Variants in ANO1 observed in about 807,000 individuals in gnomAD.
ANO1 encodes anoctamin-1.
In ANO1, 59 loss-of-function variants were observed where a neutral mutation model predicts 124.0. The ratio of observed to expected loss-of-function variants is 0.48; its 90% CI spans 0.39 to 0.59. The LOEUF (loss-of-function observed/expected upper bound fraction) is 0.59, where lower values mean the gene tolerates loss of function less well. ANO1 is among the 20% of genes least tolerant of loss of function. The pLI is 0.00. For missense variants in ANO1, 1,059 were observed against 1,328.0 expected, an observed-to-expected ratio of 0.80 and a Z score of 3.15; for synonymous variants, 529 against 532.0, an observed-to-expected ratio of 0.99 and a Z score of 0.08.
intron 7 of ANO1, among the ~76,000 whole-genome samples, chr11:70,116,217 G>A (rs1159200165): frequency 5.9e-5 from 9 of 152,168 alleles, no homozygotes; most frequent in East Asian, 3.9e-4. Context: ...GGGAAGAGGC[G>A]GCTCAGGCCG....
chr11:70,067,023 C>A (rs1225111680), intron 1 of ANO1, among the ~76,000 whole-genome samples: 1 of 152,210 alleles, frequency 6.6e-6, no homozygotes, highest in African/African-American at 2.4e-5. Context: ...TGCTGTTTTC[C>A]TAACTCATGT....
At chr11:70,085,330 C>A in intron 1 of ANO1, 1 of 1,412,656 alleles carries the variant, frequency 7.1e-7, no homozygotes, top group East Asian at 2.6e-5. Context: ...CCCCTGAGCC[C>A]TCCCAAGCCA....
At chr11:69,983,087 G>A (rs1271779148), upstream of ANO1, among the ~76,000 whole-genome samples, 2 of 152,098 alleles carry the variant, frequency 1.3e-5, no homozygotes, top group African/African-American at 4.8e-5. Flanking sequence ...GACATCTGCT[G>A]AGACCCAGCA....
the ANO1 span, among the ~76,000 whole-genome samples, chr11:69,971,753 G>A: frequency 1.3e-5 from 2 of 152,166 alleles, no homozygotes; most frequent in South Asian, 2.1e-4. Flanking sequence ...GGCTAATGCT[G>A]GATGAGCTTT....
At chr11:70,116,221 C>T (rs1172033356) in intron 7 of ANO1, among the ~76,000 whole-genome samples, 1 of 152,188 alleles carries the variant, frequency 6.6e-6, no homozygotes, top group Non-Finnish European at 1.5e-5. Flanking sequence ...AGAGGCGGCT[C>T]AGGCCGTCCT....
intron 2 of ANO1, among the ~76,000 whole-genome samples, chr11:70,097,742 T>C (rs2045062683): frequency 6.6e-6 from 1 of 152,218 alleles, no homozygotes; most frequent in South Asian, 2.1e-4. Context: ...TGTCCTAGGC[T>C]GGCACAGAGT....
intron 1 of ANO1, among the ~76,000 whole-genome samples, chr11:69,996,499 T>C (rs782133483): frequency 2.0e-5 from 3 of 152,196 alleles, no homozygotes; most frequent in Non-Finnish European, 2.9e-5. Flanking sequence ...GATCATGTTA[T>C]TGATTTTAAT....
chr11:70,043,430 A>G (rs1857211189), intron 1 of ANO1, among the ~76,000 whole-genome samples: 1 of 152,206 alleles, frequency 6.6e-6, no homozygotes, highest in African/African-American at 2.4e-5. Context: ...AAAAAGTGAT[A>G]AAAAACTTTC....
chr11:69,985,206 C>A (rs1304388690), upstream of ANO1, among the ~76,000 whole-genome samples: 1 of 152,218 alleles, frequency 6.6e-6, no homozygotes, highest in South Asian at 2.1e-4. Context: ...GGATGCACCC[C>A]CGGGTCCAGT....
At chr11:70,166,402 C>T (rs1348571876) in intron 20 of ANO1, among the ~76,000 whole-genome samples, 14 of 152,186 alleles carry the variant, frequency 9.2e-5, no homozygotes, top group Non-Finnish European at 5.9e-5. Flanking sequence ...CAGAATGACA[C>T]CCCACTCCCC....
intron 2 of ANO1, among the ~76,000 whole-genome samples, chr11:70,095,591 T>C (rs1378981379): frequency 6.6e-6 from 1 of 152,216 alleles, no homozygotes; most frequent in Non-Finnish European, 1.5e-5. Context: ...GAGGTCCTCA[T>C]CTGTGTCCAG....
chr11:70,013,163 G>T (rs1174544559), intron 1 of ANO1, among the ~76,000 whole-genome samples: 1 of 152,238 alleles, frequency 6.6e-6, no homozygotes, highest in Non-Finnish European at 1.5e-5. Context: ...GTGTTAGGCA[G>T]AGAGGCCAGC....
intron 9 of ANO1, 40 bp from the exon 10 acceptor site, chr11:70,126,021 A>G (rs2046496880): frequency 6.4e-7 from 1 of 1,562,466 alleles, no homozygotes; most frequent in African/African-American, 1.4e-5. Flanking sequence ...CTAGTATTGA[A>G]TGACAGTGGG....
intron 1 of ANO1, among the ~76,000 whole-genome samples, chr11:69,988,532 T>C (rs1036268002): frequency 6.6e-6 from 1 of 152,190 alleles, no homozygotes; most frequent in Non-Finnish European, 1.5e-5. Flanking sequence ...GCTTCATCCA[T>C]ATGACCCAGG....
At chr11:70,147,364 A>C (rs2047421867) in intron 11 of ANO1, among the ~76,000 whole-genome samples, 2 of 152,174 alleles carry the variant, frequency 1.3e-5, no homozygotes, top group Non-Finnish European at 2.9e-5. Context: ...TGCCCACCGC[A>C]GACAGGCTGC....
chr11:70,071,360 T>C (rs1857870087), intron 1 of ANO1, among the ~76,000 whole-genome samples: 2 of 152,196 alleles, frequency 1.3e-5, no homozygotes, highest in African/African-American at 4.8e-5. Context: ...TATCAACCTA[T>C]TTCATGTCAC....
intron 21 of ANO1, among the ~76,000 whole-genome samples, chr11:70,168,535 A>C (rs2048339412): frequency 6.6e-6 from 1 of 151,990 alleles, no homozygotes; most frequent in Non-Finnish European, 1.5e-5. Flanking sequence ...CTCATCCCAT[A>C]GCCCTACCCC....
chr11:70,056,037 G>A (rs1857427693), intron 1 of ANO1, among the ~76,000 whole-genome samples: 1 of 151,200 alleles, frequency 6.6e-6, no homozygotes, highest in African/African-American at 2.5e-5. Context: ...ATCCCCACAA[G>A]ACATTGTTAT....
At chr11:70,057,782 G>A (rs1038631386) in intron 1 of ANO1, among the ~76,000 whole-genome samples, 1 of 152,124 alleles carries the variant, frequency 6.6e-6, no homozygotes, top group Non-Finnish European at 1.5e-5. Flanking sequence ...TTTGTGGTTC[G>A]TCAGTTGCTT....
Sources: gnomAD v4.1 joint callset for allele counts (sites outside exome capture counted in the v4.1 genomes callset) on GRCh38, gnomAD v4.1.1 for gene constraint, MANE v1.5 for transcripts, NCBI Gene and HGNC (gene_info 2026-07-23, HGNC 2026-07-21) for gene names.